NCKAP5: variants seen among roughly 807,000 people sequenced by gnomAD.
NCKAP5 encodes nck-associated protein 5.
Under a neutral mutation model 167.0 loss-of-function variants are expected in NCKAP5, and 92 were observed. The observed-to-expected ratio is 0.55, with a 90% CI of 0.47 to 0.66. The LOEUF (loss-of-function observed/expected upper bound fraction) is 0.66, where lower values mean the gene tolerates loss of function less well. Ranked by LOEUF, NCKAP5 falls within the 30% of genes least tolerant of loss-of-function variation. The pLI is 0.00. For synonymous variants in NCKAP5, 891 were observed against 877.4 expected, an observed-to-expected ratio of 1.02 and a Z score of -0.27; for missense variants, 2,378 against 2,315.0, an observed-to-expected ratio of 1.03 and a Z score of -0.56.
intron 19 of NCKAP5, among the ~76,000 whole-genome samples, chr2:132,678,735 A>T (rs1684821156): frequency 6.6e-6 from 1 of 152,186 alleles, no homozygotes; most frequent in Non-Finnish European, 1.5e-5. Context: ...ATGTTAGTCC[A>T]CATATATGTG....
chr2:132,899,030 C>T (rs1272652502), intron 8 of NCKAP5, among the ~76,000 whole-genome samples: 1 of 152,170 alleles, frequency 6.6e-6, no homozygotes, highest in Non-Finnish European at 1.5e-5. Flanking sequence ...CTATGAAAAT[C>T]CTAGATGGCC....
the NCKAP5 span, among the ~76,000 whole-genome samples, chr2:133,656,936 C>T: frequency 6.6e-6 from 1 of 152,100 alleles, no homozygotes; most frequent in East Asian, 1.9e-4. Context: ...CCACCCTTTC[C>T]CCTGAGTACC....
At chr2:133,430,610 C>G (rs1228143698) in intron 3 of NCKAP5, among the ~76,000 whole-genome samples, 1 of 152,094 alleles carries the variant, frequency 6.6e-6, no homozygotes, top group African/African-American at 2.4e-5. Context: ...GTTTTTCCAG[C>G]ACCATTTATT....
At chr2:132,770,055 C>CAATGATTTTTGGCAATGATTTT (rs879486693) in intron 16 of NCKAP5, among the ~76,000 whole-genome samples, 1 of 152,182 alleles carries the variant, frequency 6.6e-6, no homozygotes, top group Admixed American at 6.5e-5. Flanking sequence ...CTTTTTGCCC[C>CAATGATTTTTGGCAATGATTTT]TGGCAATGAT....
At chr2:132,803,923 T>C (rs1685229961) in intron 11 of NCKAP5, among the ~76,000 whole-genome samples, 1 of 151,986 alleles carries the variant, frequency 6.6e-6, no homozygotes, top group Non-Finnish European at 1.5e-5. Context: ...AAGATCACAG[T>C]AGAGTAAGGG....
chr2:133,615,668 A>T, the NCKAP5 span, among the ~76,000 whole-genome samples: 1 of 152,182 alleles, frequency 6.6e-6, no homozygotes, highest in South Asian at 2.1e-4. Flanking sequence ...TGAGTGACCT[A>T]CAAAGAGACT....
chr2:132,897,765 T>C (rs890773379), intron 8 of NCKAP5, among the ~76,000 whole-genome samples: 1 of 152,220 alleles, frequency 6.6e-6, no homozygotes, highest in African/African-American at 2.4e-5. Flanking sequence ...GTATATTAAG[T>C]ATGCAACAGC....
chr2:133,192,810 T>C (rs961449420), intron 5 of NCKAP5, among the ~76,000 whole-genome samples: 1 of 152,080 alleles, frequency 6.6e-6, no homozygotes, highest in African/African-American at 2.4e-5. Context: ...TTGGTAGGAA[T>C]GTCAAGTGGT....
chr2:133,649,541 C>A, the NCKAP5 span, among the ~76,000 whole-genome samples: 94 of 152,056 alleles, frequency 6.2e-4, 2 homozygotes, highest in African/African-American at 2.0e-3. Flanking sequence ...AGGCCATAAC[C>A]AAGCGGGATT....
intron 6 of NCKAP5, among the ~76,000 whole-genome samples, chr2:133,058,119 G>A (rs1196876314): frequency 6.6e-6 from 1 of 151,846 alleles, no homozygotes; most frequent in African/African-American, 2.4e-5. Flanking sequence ...GAGACCTACT[G>A]CTTAGAAAAA....
chr2:133,647,456 AGAAAGAAAGGGCAAGGGAAGGAAAG>A, the NCKAP5 span, among the ~76,000 whole-genome samples: 1 of 118,272 alleles, frequency 8.5e-6, no homozygotes, highest in African/African-American at 3.6e-5. Context: ...AAAGAACGAA[AGAAAGAAAGGGCAAGGGAAGGAAAG>A]GAAAGGAAAG....
At chr2:133,010,562 T>C (rs1208768368) in intron 6 of NCKAP5, among the ~76,000 whole-genome samples, 1 of 152,230 alleles carries the variant, frequency 6.6e-6, no homozygotes, top group Non-Finnish European at 1.5e-5. Flanking sequence ...TGCTCAGGTT[T>C]CCTTTAGTGT....
intron 3 of NCKAP5, among the ~76,000 whole-genome samples, chr2:133,338,748 C>T (rs1248741040): frequency 6.6e-6 from 1 of 152,168 alleles, no homozygotes; most frequent in Non-Finnish European, 1.5e-5. Flanking sequence ...TGGCTGACGC[C>T]TGTAATCCTA....
chr2:133,314,907 C>T (rs1037367073), intron 3 of NCKAP5, among the ~76,000 whole-genome samples: 1 of 152,162 alleles, frequency 6.6e-6, no homozygotes, highest in African/African-American at 2.4e-5. Flanking sequence ...CTTTGGGAGG[C>T]TCATTCTAGG....
chr2:133,561,991 C>A (rs1237074651), intron 1 of NCKAP5, among the ~76,000 whole-genome samples: 4 of 151,870 alleles, frequency 2.6e-5, no homozygotes, highest in African/African-American at 9.7e-5. Context: ...AAGCACTATG[C>A]ATGTAATTAA....
At chr2:133,663,272 C>CAAAA in the NCKAP5 span, among the ~76,000 whole-genome samples, 15 of 98,098 alleles carry the variant, frequency 1.5e-4, no homozygotes, top group Non-Finnish European at 2.5e-4. Context: ...GACTCCGTCT[C>CAAAA]AAAAAAAAAA....
intron 11 of NCKAP5, among the ~76,000 whole-genome samples, chr2:132,853,774 T>C (rs1689257184): frequency 6.6e-6 from 1 of 152,154 alleles, no homozygotes; most frequent in Non-Finnish European, 1.5e-5. Context: ...GCAGTCTCAC[T>C]GGCCACAGGA....
chr2:133,604,284 C>T, the NCKAP5 span, among the ~76,000 whole-genome samples: 1 of 152,192 alleles, frequency 6.6e-6, no homozygotes, highest in African/African-American at 2.4e-5. Context: ...TGGCTCACTG[C>T]AACCTCCGCC....
chr2:133,176,725 T>A (rs1167483232), intron 5 of NCKAP5, among the ~76,000 whole-genome samples: 1 of 152,222 alleles, frequency 6.6e-6, no homozygotes, highest in Non-Finnish European at 1.5e-5. Flanking sequence ...TAATATCATC[T>A]ATATCTATAT....
Sources: gnomAD v4.1 joint callset for allele counts (sites outside exome capture counted in the v4.1 genomes callset) on GRCh38, gnomAD v4.1.1 for gene constraint, MANE v1.5 for transcripts, NCBI Gene and HGNC (gene_info 2026-07-23, HGNC 2026-07-21) for gene names.